The following CLASP2 variants were observed in gnomAD, a reference collection of about 807,000 sequenced individuals.
CLASP2 encodes the protein cytoplasmic linker associated protein 2.
Under a neutral mutation model 194.4 loss-of-function variants are expected in CLASP2, and 47 were observed. That is an observed-to-expected ratio of 0.24 (90% confidence interval 0.19 to 0.31). The LOEUF (loss-of-function observed/expected upper bound fraction) is 0.31. Among genes scored for constraint, CLASP2 ranks in the 10% least tolerant of loss-of-function variants. The pLI is 1.00. For missense variants in CLASP2, 1,445 were observed against 1,823.6 expected, an observed-to-expected ratio of 0.79 and a Z score of 3.78; for synonymous variants, 619 against 633.5, an observed-to-expected ratio of 0.98 and a Z score of 0.34.
intron 12 of CLASP2, 69 bp downstream of exon 12, chr3:33,619,534 A>C: frequency 7.1e-7 from 1 of 1,403,248 alleles, no homozygotes; most frequent in Non-Finnish European, 9.4e-7. Flanking sequence ...AAGGAGAGAA[A>C]AAGGGGGAGG....
chr3:33,659,760 C>T (rs2084976543), intron 7 of CLASP2: 1 of 152,220 alleles, frequency 6.6e-6, no homozygotes, highest in South Asian at 2.1e-4. Flanking sequence ...AAGCTGACAA[C>T]CATCAGCACA....
intron 7 of CLASP2, among the ~76,000 whole-genome samples, chr3:33,646,121 T>A (rs2082246240): frequency 6.6e-6 from 1 of 152,100 alleles, no homozygotes; most frequent in African/African-American, 2.4e-5. Context: ...TCAATGAACT[T>A]TCTTTACTTA....
At chr3:33,561,106 T>C in intron 27 of CLASP2, 135 bp from the exon 28 acceptor site, 1 of 724,862 alleles carries the variant, frequency 1.4e-6, no homozygotes, top group Admixed American at 2.9e-5. Context: ...AAAAACAATC[T>C]CTCTTGCTTT....
intron 24 of CLASP2, among the ~76,000 whole-genome samples, chr3:33,574,817 G>T (rs1429128105): frequency 1.3e-5 from 2 of 152,058 alleles, no homozygotes; most frequent in African/African-American, 2.4e-5. Context: ...CACAAATTAG[G>T]CTTACTAGCT....
rs901114389 is a variant in CLASP2 at position 33,611,881 on chromosome 3, C to T, written c.1388+120G>A. 16 of 690,922 alleles carry T rather than the reference C, an allele frequency of 2.3e-5. No homozygotes were observed. In the African/African-American group the frequency reaches 2.3e-4, roughly 10 times the overall value. The allele number at this position is 690,922 out of a possible 1,614,324, so 42.8% of individuals were successfully genotyped here. ...ATGATTAAAAAAACAAAACAAAACA[C>T]TTTTTTATGGTTTTCTGGAAGGCAA... On this transcript the variant is annotated intron_variant, in intron 13 of 38. Transcript: ENST00000682230.
chr3:33,599,194 G>A (rs879861390), intron 18 of CLASP2, among the ~76,000 whole-genome samples: 3 of 151,988 alleles, frequency 2.0e-5, no homozygotes, highest in South Asian at 4.2e-4. Flanking sequence ...GTGTGATCAC[G>A]GCTCACTGCA....
At chr3:33,618,571 C>T (rs938062833) in intron 12 of CLASP2, among the ~76,000 whole-genome samples, 1 of 152,040 alleles carries the variant, frequency 6.6e-6, no homozygotes, top group African/African-American at 2.4e-5. Context: ...AGCTGGAACC[C>T]GGGCGGCAGA....
intron 5 of CLASP2, 73 bp downstream of exon 5, chr3:33,686,987 A>G: frequency 1.2e-6 from 1 of 814,008 alleles, no homozygotes; most frequent in Non-Finnish European, 1.9e-6. Flanking sequence ...TTTTTTAAAA[A>G]TAGAATAAGA....
intron 4 of CLASP2, among the ~76,000 whole-genome samples, chr3:33,687,935 A>G (rs1372688424): frequency 6.6e-6 from 1 of 152,224 alleles, no homozygotes; most frequent in Non-Finnish European, 1.5e-5. Context: ...AATGACTATA[A>G]TATGTGAAAT....
chr3:33,640,384 T>C (rs1426431850), intron 8 of CLASP2, among the ~76,000 whole-genome samples: 8 of 152,064 alleles, frequency 5.3e-5, no homozygotes, highest in Non-Finnish European at 8.8e-5. Flanking sequence ...GTAAAACAAA[T>C]AGAAAATATC....
chr3:33,679,149 C>A (rs974470351), intron 6 of CLASP2, among the ~76,000 whole-genome samples: 4 of 152,088 alleles, frequency 2.6e-5, no homozygotes, highest in African/African-American at 9.7e-5. Context: ...AAGATAGTTT[C>A]TTCAAAAAAC....
rs575848304 is a variant in CLASP2 at position 33,521,888 on chromosome 3, C to T, written c.3788-4714G>A. Among the ~76,000 whole-genome samples the T allele has an allele frequency of 1.5e-3, 224 of 152,200 alleles. 2 individuals are homozygous for T. The highest frequency in any genetic ancestry group is 4.6e-3 in the African/African-American group (192 of 41,532). The stretch of plus-strand genomic sequence containing the variant: ...AGTAGCAACTACCCACTCCCCCCTC[C>T]ACCAGCCCCAGCCCCTTGACAGGCA... On this transcript the variant is annotated intron_variant, in intron 34 of 38. Coordinates refer to ENST00000682230, the MANE Select transcript of CLASP2 (RefSeq NM_001365631.1).
chr3:33,594,000 C>T (rs1334259143), intron 20 of CLASP2, among the ~76,000 whole-genome samples: 1 of 152,120 alleles, frequency 6.6e-6, no homozygotes, highest in Non-Finnish European at 1.5e-5. Flanking sequence ...GGTGCCACCA[C>T]ACCCAGCTAA....
In CLASP2 at chr3:33,506,377, C is replaced by CAAAAAAAAAAAAAAAAAA. The variant is rs2048189726; in HGVS notation, c.4317+4180_4317+4181insTTTTTTTTTTTTTTTTTT. Among the ~76,000 whole-genome samples the CAAAAAAAAAAAAAAAAAA allele has an allele frequency of 7.1e-4, 44 of 61,874 alleles. 13 individuals carry two copies. Among genetic ancestry groups the CAAAAAAAAAAAAAAAAAA allele is most frequent in the African/African-American group, 2.4e-3 (42 of 17,540 alleles). 40.6% of individuals were successfully genotyped at this position (61,874 alleles called of 152,430 possible). On this transcript the variant is annotated intron_variant, in intron 37 of 38. Coordinates refer to ENST00000682230, the MANE Select transcript of CLASP2 (RefSeq NM_001365631.1). ...TGGGTGACAGAGTGAGACTCTGTCT[C>CAAAAAAAAAAAAAAAAAA]GAAAAAAAAAAAAAAAAAAAAAAAA...
intron 34 of CLASP2, among the ~76,000 whole-genome samples, chr3:33,528,474 C>T (rs985538661): frequency 6.6e-6 from 1 of 152,024 alleles, no homozygotes; most frequent in Non-Finnish European, 1.5e-5. Context: ...AAATAAAGGG[C>T]TTCCAGGTCA....
At chr3:33,575,666 T>C (rs545190185) in intron 24 of CLASP2, among the ~76,000 whole-genome samples, 89 of 152,268 alleles carry the variant, frequency 5.8e-4, no homozygotes, top group African/African-American at 2.0e-3. Context: ...TGTTTTTAAA[T>C]CTCACTGTTT....
At chr3:33,602,884 A>G in intron 18 of CLASP2, 68 bp downstream of exon 18, 2 of 1,379,808 alleles carry the variant, frequency 1.4e-6, no homozygotes, top group Non-Finnish European at 2.0e-6. Context: ...TGATTAAGGT[A>G]TATGAACTTG....
chr3:33,663,802 C>T (rs981712788), intron 6 of CLASP2, among the ~76,000 whole-genome samples: 1 of 152,088 alleles, frequency 6.6e-6, no homozygotes, highest in Non-Finnish European at 1.5e-5. Flanking sequence ...AATCATTCCT[C>T]CAAATCCATC....
rs71070140 is a variant in CLASP2, at chr3:33,512,557, TAAAAAAAA to T, written c.4111-1801_4111-1794del. 0.015 allele frequency among the ~76,000 whole-genome samples: 193 copies of T among 12,476 alleles called. 24 individuals carry two copies. The East Asian group carries it at 0.23, about 15-fold the overall frequency. 8.2% of individuals were successfully genotyped at this position (12,476 alleles called of 152,430 possible). ...ATGTACCCTAAAACTTAGAGTATAA[TAAAAAAAA>T]AAAAAAAAAAAAAAAAAAAAGAACA... is the stretch of plus-strand genomic sequence containing the variant. On this transcript the variant is annotated intron_variant, in intron 36 of 38. Coordinates refer to ENST00000682230, the MANE Select transcript of CLASP2 (RefSeq NM_001365631.1).
Sources: allele counts gnomAD v4.1 joint callset (sites outside exome capture counted in the v4.1 genomes callset), GRCh38; gene constraint gnomAD v4.1.1; transcripts MANE v1.5; gene names NCBI Gene and HGNC (gene_info 2026-07-23, HGNC 2026-07-21).